The following ANTXR2 variants were observed in gnomAD, a reference collection of about 807,000 sequenced individuals.
ANTXR2 encodes ANTXR cell adhesion molecule 2.
Under a neutral mutation model 73.7 loss-of-function variants are expected in ANTXR2, and 44 were observed. That is an observed-to-expected ratio of 0.60 (90% CI 0.47 to 0.77). The LOEUF is 0.77. ANTXR2 is among the 30% of genes least tolerant of loss of function. ANTXR2 has a pLI of 0.00. For missense variants in ANTXR2, 604 were observed against 592.5 expected (o/e 1.02, Z -0.20); for synonymous variants, 217 against 205.9 (o/e 1.05, Z -0.46).
chr4:80,011,808 C>A (rs1731598814), intron 11 of ANTXR2, among the ~76,000 whole-genome samples: 5 of 152,278 alleles, frequency 3.3e-5, no homozygotes, highest in African/African-American at 1.2e-4. Context: ...CTCTGGCTAT[C>A]AAAACAAACA....
chr4:80,046,221 CT>C (rs548727099), intron 7 of ANTXR2, among the ~76,000 whole-genome samples: 21 of 151,784 alleles, frequency 1.4e-4, no homozygotes, highest in Middle Eastern at 3.4e-3. Flanking sequence ...TTTTTTAAAA[CT>C]TTAGTTTCTT....
chr4:80,010,871 G>A (rs1232474965), intron 11 of ANTXR2, among the ~76,000 whole-genome samples: 1 of 152,062 alleles, frequency 6.6e-6, no homozygotes, highest in Non-Finnish European at 1.5e-5. Context: ...AAAATGGCCG[G>A]GCACAGTGGC....
intron 16 of ANTXR2, among the ~76,000 whole-genome samples, chr4:79,960,259 C>T (rs1334234647): frequency 6.6e-6 from 1 of 151,984 alleles, no homozygotes; most frequent in Non-Finnish European, 1.5e-5. Flanking sequence ...AATTAGAAAA[C>T]TCTAATATGA....
chr4:79,919,909 AT>A (rs1560856506), intron 16 of ANTXR2, among the ~76,000 whole-genome samples: 2 of 18,674 alleles, frequency 1.1e-4, no homozygotes, highest in Admixed American at 4.8e-4. Context: ...ATATATATAT[AT>A]ATATATATAT....
chr4:79,987,531 A>G (rs560479145), intron 12 of ANTXR2, among the ~76,000 whole-genome samples: 1 of 152,334 alleles, frequency 6.6e-6, no homozygotes, highest in South Asian at 2.1e-4. Context: ...GAGATAGAGA[A>G]CAAGCAACTT....
intron 11 of ANTXR2, among the ~76,000 whole-genome samples, chr4:80,009,105 A>G (rs1355112446): frequency 2.6e-5 from 4 of 152,192 alleles, no homozygotes; most frequent in Non-Finnish European, 5.9e-5. Context: ...TTGTTGGGAA[A>G]TGGTATATAC....
At position 79,907,187 on chromosome 4, in the gene ANTXR2, T is replaced by C. The variant is rs139631974; in HGVS notation, c.*242A>G. 275 of 556,826 alleles carry C rather than the reference T, an allele frequency of 4.9e-4. No homozygotes were observed. The highest frequency in any genetic ancestry group is 4.8e-3 in the African/African-American group (244 of 51,368). 34.5% of individuals were successfully genotyped at this position (556,826 alleles called of 1,614,324 possible). A position where few individuals can be genotyped will look rare whatever the true frequency, so the allele number is the denominator to read the frequency against. On this transcript the variant is annotated 3_prime_UTR_variant, in exon 17 of 17. Coordinates refer to ENST00000403729, the MANE Select transcript of ANTXR2 (RefSeq NM_058172.6). ...TGCAGGTCAATGTTCCTCTTTATTTTCAATGTCATAAATCATGAGTTACCA... is the reference window on the plus strand; with the variant it reads ...TGCAGGTCAATGTTCCTCTTTATTTCCAATGTCATAAATCATGAGTTACCA...
At chr4:80,031,127 A>G (rs1339429336) in intron 10 of ANTXR2, among the ~76,000 whole-genome samples, 1 of 152,056 alleles carries the variant, frequency 6.6e-6, no homozygotes, top group Admixed American at 6.6e-5. Context: ...ACAAAGCACA[A>G]GTTAATACAA....
intron 16 of ANTXR2, among the ~76,000 whole-genome samples, chr4:79,958,431 A>C (rs1729007250): frequency 6.6e-6 from 1 of 152,150 alleles, no homozygotes; most frequent in Non-Finnish European, 1.5e-5. Context: ...TAAGAGCTTA[A>C]CATCAGTATT....
chr4:80,012,124 C>A (rs1334794517), intron 11 of ANTXR2, among the ~76,000 whole-genome samples: 1 of 152,122 alleles, frequency 6.6e-6, no homozygotes, highest in Non-Finnish European at 1.5e-5. Flanking sequence ...TTCACAGCAG[C>A]CACATTAGAA....
intron 16 of ANTXR2, chr4:79,965,169 G>A (rs1729317187): frequency 6.6e-6 from 1 of 152,218 alleles, no homozygotes. Flanking sequence ...GTGACTCTGG[G>A]TTGAGTTCTA....
intron 12 of ANTXR2, among the ~76,000 whole-genome samples, chr4:79,990,729 A>G (rs1730430761): frequency 6.6e-6 from 1 of 152,146 alleles, no homozygotes; most frequent in African/African-American, 2.4e-5. Context: ...CTGTCTTCAA[A>G]CTATGCTACA....
intron 7 of ANTXR2, among the ~76,000 whole-genome samples, chr4:80,046,150 A>G (rs1733504726): frequency 6.6e-6 from 1 of 151,808 alleles, no homozygotes; most frequent in African/African-American, 2.4e-5. Context: ...CTGAGCTCCA[A>G]ACAAAACAGA....
At chr4:80,056,127 G>T in intron 3 of ANTXR2, 114 bp from the exon 4 acceptor site, 1 of 602,102 alleles carries the variant, frequency 1.7e-6, no homozygotes, top group Non-Finnish European at 2.7e-6. Flanking sequence ...GGAAGCAGAG[G>T]AAAGAACATG....
chr4:79,986,439 T>G (rs1425907949), intron 12 of ANTXR2, among the ~76,000 whole-genome samples: 1 of 152,232 alleles, frequency 6.6e-6, no homozygotes, highest in East Asian at 1.9e-4. Flanking sequence ...GGATATATAT[T>G]TAAAGACTGT....
chr4:80,007,566 G>C (rs1374548675), intron 12 of ANTXR2, among the ~76,000 whole-genome samples: 1 of 152,194 alleles, frequency 6.6e-6, no homozygotes, highest in Non-Finnish European at 1.5e-5. Flanking sequence ...TGAGATGGGA[G>C]ATGATCCTGG....
chr4:79,958,972 T>C (rs1729039561), intron 16 of ANTXR2, among the ~76,000 whole-genome samples: 2 of 151,986 alleles, frequency 1.3e-5, no homozygotes, highest in African/African-American at 2.4e-5. Context: ...AATACAGATC[T>C]CACAAGAATT....
At chr4:79,997,967 A>G (rs1006991827) in intron 12 of ANTXR2, among the ~76,000 whole-genome samples, 3 of 152,020 alleles carry the variant, frequency 2.0e-5, no homozygotes, top group Non-Finnish European at 4.4e-5. Context: ...TAAGGAAGGT[A>G]TATTAAAATT....
At chr4:79,985,838 CTTTTTT>C (rs572381265) in intron 12 of ANTXR2, among the ~76,000 whole-genome samples, 2 of 111,686 alleles carry the variant, frequency 1.8e-5, no homozygotes, top group Non-Finnish European at 3.6e-5. Flanking sequence ...ACAGTTAATT[CTTTTTT>C]TTTTTTTTTT....
Sources: gnomAD v4.1 joint callset for allele counts (sites outside exome capture counted in the v4.1 genomes callset) on GRCh38, gnomAD v4.1.1 for gene constraint, MANE v1.5 for transcripts, NCBI Gene and HGNC (gene_info 2026-07-23, HGNC 2026-07-21) for gene names.